The following MAP7 variants were observed in gnomAD, a reference collection of about 807,000 sequenced individuals.
MAP7 encodes the protein ensconsin.
Under a neutral mutation model 94.8 loss-of-function variants are expected in MAP7, and 52 were observed. The observed-to-expected ratio is 0.55, with a 90% CI of 0.44 to 0.69. The LOEUF is 0.69. MAP7 is among the 30% of genes least tolerant of loss of function. The probability of loss-of-function intolerance (pLI) is 0.00; values close to 1 mark genes in which losing one functional copy is unlikely to be tolerated. For missense variants in MAP7, 940 were observed against 964.6 expected, an observed-to-expected ratio of 0.97 and a Z score of 0.34; for synonymous variants, 350 against 357.0, an observed-to-expected ratio of 0.98 and a Z score of 0.22.
At chr6:136,501,119 A>G (rs1000475709) in intron 1 of MAP7, among the ~76,000 whole-genome samples, 14 of 150,554 alleles carry the variant, frequency 9.3e-5, no homozygotes, top group African/African-American at 3.4e-4. Flanking sequence ...TCCAAAGTAG[A>G]ACTAAAAACC....
chr6:136,438,251 C>T (rs971507496), intron 1 of MAP7, among the ~76,000 whole-genome samples: 1 of 152,214 alleles, frequency 6.6e-6, no homozygotes, highest in South Asian at 2.1e-4. Flanking sequence ...GTGCTAGAAG[C>T]TTTACATAAT....
At chr6:136,546,815 C>T (rs917929865) in intron 1 of MAP7, among the ~76,000 whole-genome samples, 41 of 152,150 alleles carry the variant, frequency 2.7e-4, no homozygotes, top group African/African-American at 9.7e-4. Context: ...ATGATTGTTT[C>T]TCATGCATTG....
chr6:136,389,419 G>T lies in MAP7; in HGVS notation c.343C>A (p.Gln115Lys), dbSNP rs768857942. 1 of 1,594,884 alleles carries T rather than the reference G, an allele frequency of 6.3e-7. No homozygotes were observed. Among genetic ancestry groups the T allele is most frequent in the Non-Finnish European group, 8.5e-7 (1 of 1,172,722 alleles). Residue 115 changes from glutamine to lysine, a missense_variant, in exon 4 of 18, where the codon CAG becomes AAG. By Grantham distance (53) the Gln-to-Lys change is moderately conservative. Coordinates refer to ENST00000354570, the MANE Select transcript of MAP7 (RefSeq NM_003980.6). The stretch of plus-strand genomic sequence containing the variant: ...GCAGCCCTCCTCCGCTCCTCCTTCT[G>T]CCTCTGCTCCTCCAACCTCTTCTTC... ...ERKKRLEEQR[Q>K]KEERRRAAVE... is the part of the protein sequence containing the mutation.
intron 1 of MAP7, among the ~76,000 whole-genome samples, chr6:136,493,192 G>A (rs1295356071): frequency 3.5e-5 from 5 of 141,568 alleles, no homozygotes; most frequent in Admixed American, 1.5e-4. Flanking sequence ...GGCACGATCC[G>A]GCTCACGGCA....
In MAP7 at chr6:136,379,086, AGGT is replaced by A. The variant is rs145536098; in HGVS notation, c.638-1221_638-1219del. Reference sequence around the variant, plus strand: ...GCTTCTGTTCCACTCCACAAACAGCAGGTGGCAAAGTCTCCTTTGCCTCTGGAG... The same window carrying A: ...GCTTCTGTTCCACTCCACAAACAGCAGGCAAAGTCTCCTTTGCCTCTGGAG... On this transcript the variant is annotated intron_variant, in intron 6 of 17. Coordinates refer to ENST00000354570, the MANE Select transcript of MAP7 (RefSeq NM_003980.6). Among the ~76,000 whole-genome samples the A allele has an allele frequency of 6.4e-3, 975 of 152,356 alleles. 7 individuals are homozygous for A. The highest frequency in any genetic ancestry group is 0.023 in the African/African-American group (939 of 41,578).
chr6:136,524,470 C>T (rs531578710), intron 1 of MAP7, among the ~76,000 whole-genome samples: 1 of 152,320 alleles, frequency 6.6e-6, no homozygotes, highest in South Asian at 2.1e-4. Flanking sequence ...CAGAGCAACA[C>T]ACTCTGGTTC....
intron 1 of MAP7, among the ~76,000 whole-genome samples, chr6:136,423,783 T>TG (rs1351902134): frequency 4.1e-3 from 2 of 488 alleles, no homozygotes; most frequent in South Asian, 0.056. Flanking sequence ...GGGAGTTGTG[T>TG]TTTTTTTTTT....
At chr6:136,471,179 C>A (rs1262953229) in intron 1 of MAP7, among the ~76,000 whole-genome samples, 1 of 152,148 alleles carries the variant, frequency 6.6e-6, no homozygotes, top group Non-Finnish European at 1.5e-5. Flanking sequence ...GCTAAAAGCA[C>A]ACATACAATA....
chr6:136,402,938 A>AG (rs1562359786), intron 3 of MAP7, among the ~76,000 whole-genome samples: 16 of 139,566 alleles, frequency 1.1e-4, no homozygotes, highest in East Asian at 4.2e-4. Flanking sequence ...AAAAAAAAAA[A>AG]AAAGAAAGAA....
At chr6:136,472,303 G>A (rs903033193) in intron 1 of MAP7, among the ~76,000 whole-genome samples, 2 of 152,088 alleles carry the variant, frequency 1.3e-5, no homozygotes, top group African/African-American at 4.8e-5. Context: ...CCTGACAGCT[G>A]GAGTCCTATG....
In MAP7 at chr6:136,360,815, G is replaced by A. The variant is rs753475971; in HGVS notation, c.1702-17C>T. 12 of 1,612,110 alleles carry A rather than the reference G, an allele frequency of 7.4e-6. No individual in the cohort carries two copies. The highest frequency in any genetic ancestry group is 1.1e-5 in the South Asian group (1 of 91,056). On this transcript the variant is annotated splice_polypyrimidine_tract_variant and intron_variant, in intron 12 of 17. Coordinates refer to ENST00000354570, the MANE Select transcript of MAP7 (RefSeq NM_003980.6). ...TTCTTCTTTCTGAAAACAGAAGGTC[G>A]GCGTCTGCCTCTGACAAACAGGCGG...
intron 1 of MAP7, among the ~76,000 whole-genome samples, chr6:136,476,480 A>G (rs1302317696): frequency 6.6e-6 from 1 of 152,230 alleles, no homozygotes; most frequent in Non-Finnish European, 1.5e-5. Flanking sequence ...ATAAAAATAT[A>G]ACTTCAAACA....
chr6:136,537,944 G>A (rs1829016372), intron 1 of MAP7, among the ~76,000 whole-genome samples: 1 of 152,184 alleles, frequency 6.6e-6, no homozygotes, highest in Non-Finnish European at 1.5e-5. Flanking sequence ...ACCAAGCCCA[G>A]CTAATTTTGT....
intron 1 of MAP7, among the ~76,000 whole-genome samples, chr6:136,523,471 T>C (rs1297330064): frequency 6.6e-6 from 1 of 152,262 alleles, no homozygotes; most frequent in Non-Finnish European, 1.5e-5. Context: ...ACAGTGCATA[T>C]ACAGAACATT....
chr6:136,497,004 C>A (rs1323505609), intron 1 of MAP7, among the ~76,000 whole-genome samples: 1 of 151,752 alleles, frequency 6.6e-6, no homozygotes, highest in African/African-American at 2.4e-5. Context: ...CATAACCTAA[C>A]CTATAACGTA....
chr6:136,388,404 A>G lies in MAP7; in HGVS notation c.515T>C (p.Ile172Thr), dbSNP rs138434337. The G allele has an allele frequency of 1.2e-6, 2 of 1,613,666 alleles. No individual in the cohort carries two copies. The highest frequency in any genetic ancestry group is 2.7e-5 in the African/African-American group (2 of 75,046). ...TGGTCACTGTTTACCTGCACTGTGGATGCTAGGGCTCCCATGGAGAGAGCC... is the reference window on the plus strand; with the variant it reads ...TGGTCACTGTTTACCTGCACTGTGGGTGCTAGGGCTCCCATGGAGAGAGCC... The part of the protein sequence containing the change: ...WGGSLHGSPS[I>T]HSADPDRRSV... The change falls in exon 5 of 18, where the codon ATC becomes ACC. Residue 172 changes from isoleucine to threonine, a missense_variant. Ile to Thr is a moderately conservative substitution (Grantham distance 89, BLOSUM62 -1). Coordinates refer to ENST00000354570, the MANE Select transcript of MAP7 (RefSeq NM_003980.6).
At position 136,379,212 on chromosome 6, in the gene MAP7, TAAA is replaced by T. The variant is rs1446166787; in HGVS notation, c.638-1347_638-1345del. ...TTAATTAATAAAAGCCATATACTGC[TAAA>T]CATTGTCTTAAAAATAGTTGCTTCC... On this transcript the variant is annotated intron_variant, in intron 6 of 17. Coordinates refer to ENST00000354570, the MANE Select transcript of MAP7 (RefSeq NM_003980.6). 4.4e-3 allele frequency among the ~76,000 whole-genome samples: 668 copies of T among 152,356 alleles called. 6 individuals carry two copies. Among genetic ancestry groups the T allele is most frequent in the African/African-American group, 0.015 (637 of 41,584 alleles).
intron 1 of MAP7, among the ~76,000 whole-genome samples, chr6:136,477,781 C>T (rs1265734052): frequency 1.3e-5 from 2 of 152,196 alleles, no homozygotes; most frequent in Non-Finnish European, 2.9e-5. Flanking sequence ...AAACATCACA[C>T]TCAATCTGCA....
intron 1 of MAP7, among the ~76,000 whole-genome samples, chr6:136,535,887 C>A (rs886870066): frequency 6.6e-6 from 1 of 151,832 alleles, no homozygotes; most frequent in African/African-American, 2.4e-5. Flanking sequence ...CTAATGCTAT[C>A]CCTCCCCGCT....
Sources: allele counts gnomAD v4.1 joint callset (sites outside exome capture counted in the v4.1 genomes callset), GRCh38; gene constraint gnomAD v4.1.1; transcripts MANE v1.5; gene names NCBI Gene and HGNC (gene_info 2026-07-23, HGNC 2026-07-21).